Variants in STK31 observed in about 807,000 individuals in gnomAD.
The protein encoded by STK31 is serine/threonine kinase 31.
In STK31, 89 loss-of-function variants were observed where a neutral mutation model predicts 129.7. The observed-to-expected ratio is 0.69, with a 90% CI of 0.58 to 0.82. The LOEUF (loss-of-function observed/expected upper bound fraction) is 0.82, where lower values mean the gene tolerates loss of function less well. Ranked by LOEUF, STK31 falls within the 40% of genes least tolerant of loss-of-function variation. STK31 has a pLI of 0.00. For missense variants in STK31, 1,187 were observed against 1,176.4 expected (o/e 1.01, Z -0.13); for synonymous variants, 448 against 395.3 (o/e 1.13, Z -1.58).
chr7:23,712,030 T>C, intron 1 of STK31, 69 bp from the exon 2 acceptor site: 1 of 1,267,688 alleles, frequency 7.9e-7, no homozygotes, highest in Non-Finnish European at 1.1e-6. Context: ...GAATTGAACA[T>C]GATGTAGTTT....
At chr7:23,768,941 C>T (rs944164923) in intron 11 of STK31, 54 bp from the exon 12 acceptor site, 12 of 1,436,588 alleles carry the variant, frequency 8.4e-6, no homozygotes, top group South Asian at 1.7e-5. Flanking sequence ...ACACAGTGCT[C>T]GAATCCTGAA....
At chr7:23,799,012 A>G (rs1792195887) in intron 22 of STK31, among the ~76,000 whole-genome samples, 1 of 152,226 alleles carries the variant, frequency 6.6e-6, no homozygotes. Flanking sequence ...AGAGAGTAAG[A>G]TACTTAGGAA....
At chr7:23,803,660 T>C (rs1792515086) in intron 22 of STK31, among the ~76,000 whole-genome samples, 1 of 152,172 alleles carries the variant, frequency 6.6e-6, no homozygotes, top group Non-Finnish European at 1.5e-5. Context: ...CAGGGGCTTG[T>C]TGTACAGATT....
intron 16 of STK31, among the ~76,000 whole-genome samples, chr7:23,783,000 C>A (rs190940724): frequency 1.3e-3 from 195 of 151,950 alleles, no homozygotes; most frequent in African/African-American, 4.4e-3. Flanking sequence ...AAAAAAAAAA[C>A]TTCAGCCAAC....
intron 23 of STK31, among the ~76,000 whole-genome samples, chr7:23,824,162 G>A (rs997365542): frequency 6.6e-6 from 1 of 152,114 alleles, no homozygotes; most frequent in African/African-American, 2.4e-5. Context: ...GATGGGGATG[G>A]CATTGAATCT....
intron 23 of STK31, among the ~76,000 whole-genome samples, chr7:23,829,866 A>G (rs982875616): frequency 1.3e-5 from 2 of 152,172 alleles, no homozygotes; most frequent in Non-Finnish European, 2.9e-5. Context: ...GGTAGGTTGT[A>G]TGTGTCCAGG....
chr7:23,814,841 T>C (rs985142139), intron 22 of STK31, among the ~76,000 whole-genome samples: 5 of 152,184 alleles, frequency 3.3e-5, no homozygotes, highest in African/African-American at 1.2e-4. Context: ...ACCTAATTTT[T>C]GAGTATTGGT....
At chr7:23,717,458 T>A (rs770331156) in intron 3 of STK31, 23 bp from the exon 4 acceptor site, 1 of 1,498,696 alleles carries the variant, frequency 6.7e-7, no homozygotes. Flanking sequence ...TACTGTATCT[T>A]ATACTATATC....
intron 10 of STK31, among the ~76,000 whole-genome samples, chr7:23,758,585 T>TAGAA (rs1789258338): frequency 6.6e-6 from 1 of 152,164 alleles, no homozygotes; most frequent in Admixed American, 6.5e-5. Flanking sequence ...GAGATCTTTC[T>TAGAA]AGCTTTCTGA....
chr7:23,754,852 G>T (rs1584389651), intron 10 of STK31, among the ~76,000 whole-genome samples: 1 of 152,304 alleles, frequency 6.6e-6, no homozygotes, highest in Middle Eastern at 3.4e-3. Flanking sequence ...TGGCTGCATA[G>T]TATTCCATGG....
In STK31 at chr7:23,799,652, G is replaced by A. The variant is rs192213329; in HGVS notation, c.2760+8706G>A. ...ATAAAAGCCCTAGAAGAAAACCTAGGTAATACCATTTAGGACATAGGCATG... is the reference window on the plus strand; with the variant it reads ...ATAAAAGCCCTAGAAGAAAACCTAGATAATACCATTTAGGACATAGGCATG... On this transcript the variant is annotated intron_variant, in intron 22 of 23. Transcript: ENST00000355870. Among the ~76,000 whole-genome samples the A allele has an allele frequency of 9.9e-5, 15 of 152,220 alleles. No individual in the cohort carries two copies. The East Asian group carries it at 2.9e-3, about 29-fold the overall frequency.
intron 14 of STK31, chr7:23,771,365 G>A (rs909597258): frequency 3.5e-6 from 1 of 288,982 alleles, no homozygotes; most frequent in African/African-American, 2.2e-5. Flanking sequence ...GCCTGTATGA[G>A]TCTACTGTAG....
intron 5 of STK31, among the ~76,000 whole-genome samples, chr7:23,728,618 G>A (rs1584340314): frequency 6.6e-6 from 1 of 152,116 alleles, no homozygotes; most frequent in African/African-American, 2.4e-5. Flanking sequence ...TAGAGCTGGA[G>A]GTAAGGGTGG....
intron 14 of STK31, chr7:23,771,558 T>C (rs554175772): frequency 6.5e-6 from 1 of 153,204 alleles, no homozygotes; most frequent in African/African-American, 2.4e-5. Context: ...TGGTATATTA[T>C]GAACATTTTT....
intron 23 of STK31, among the ~76,000 whole-genome samples, chr7:23,828,616 G>A (rs1007646976): frequency 2.6e-5 from 4 of 152,198 alleles, no homozygotes; most frequent in East Asian, 1.9e-4. Context: ...CCCACTGTCC[G>A]GCACTCCCCA....
intron 22 of STK31, among the ~76,000 whole-genome samples, chr7:23,792,722 G>A (rs986646504): frequency 7.9e-5 from 12 of 152,102 alleles, no homozygotes; most frequent in African/African-American, 2.2e-4. Flanking sequence ...ATAGATTCTA[G>A]GAAATTAAGA....
intron 10 of STK31, among the ~76,000 whole-genome samples, chr7:23,758,758 G>T (rs539866797): frequency 6.6e-6 from 1 of 152,248 alleles, no homozygotes; most frequent in African/African-American, 2.4e-5. Context: ...AAGTTGTTCA[G>T]TTTCCATGAC....
rs1169201104 is a variant in STK31, at chr7:23,729,237, C to G, written c.471C>G (p.Thr157=). The G allele has an allele frequency of 1.3e-6, 2 of 1,595,324 alleles. No individual in the cohort carries two copies. Among genetic ancestry groups the G allele is most frequent in the African/African-American group, 2.7e-5 (2 of 73,786 alleles). ...GLHIPSDQEV[T]QFDQGTTFLG... is the part of the protein sequence containing the mutation. ...ACATTCCTTCTGATCAAGAAGTTAC[C>G]CAGTTTGATCAGGCAAGTCACGTAT... Residue 157 remains threonine (T), a synonymous_variant, in exon 6 of 24, where the codon ACC becomes ACG. Coordinates refer to ENST00000355870, the MANE Select transcript of STK31 (RefSeq NM_031414.5).
chr7:23,772,991 A>C (rs1390477169), intron 15 of STK31, among the ~76,000 whole-genome samples: 1 of 152,110 alleles, frequency 6.6e-6, no homozygotes, highest in East Asian at 1.9e-4. Flanking sequence ...GTTTTATTCT[A>C]TTCTGGGCTT....
Sources: allele counts gnomAD v4.1 joint callset (sites outside exome capture counted in the v4.1 genomes callset), GRCh38; gene constraint gnomAD v4.1.1; transcripts MANE v1.5; gene names NCBI Gene and HGNC (gene_info 2026-07-23, HGNC 2026-07-21).